Variants in ADGRD1 observed in about 807,000 individuals in gnomAD.
ADGRD1 encodes the protein adhesion G protein-coupled receptor D1.
A neutral mutation model predicts 113.4 loss-of-function variants in ADGRD1; 77 were observed. The observed-to-expected ratio is 0.68, with a 90% confidence interval of 0.57 to 0.82. The LOEUF is 0.82. Ranked by LOEUF, ADGRD1 falls within the 40% of genes least tolerant of loss-of-function variation. ADGRD1 has a pLI of 0.00. For synonymous variants in ADGRD1, 474 were observed against 475.0 expected (o/e 1.00, Z 0.03); for missense variants, 1,036 against 1,139.1 (o/e 0.91, Z 1.30).
At chr12:131,025,405 G>A (rs544006199) in intron 13 of ADGRD1, among the ~76,000 whole-genome samples, 14 of 152,206 alleles carry the variant, frequency 9.2e-5, no homozygotes, top group African/African-American at 1.4e-4. Context: ...GTCACGGGCC[G>A]TGAGGAGGAG....
Position 131,076,803 on chromosome 12 carries a change from A to T in ADGRD1, c.1476A>T (p.Thr492=). 6.2e-7 allele frequency: 1 copy of T among 1,613,922 alleles called. No individual in the cohort carries two copies. Among genetic ancestry groups the T allele is most frequent in the Non-Finnish European group, 8.5e-7 (1 of 1,179,870 alleles). ...GTGTTTGCTTTCTTTCATTTCAGACACGTAAGCAGCACAGTGAGGCCACCA... is the reference window on the plus strand; with the variant it reads ...GTGTTTGCTTTCTTTCATTTCAGACTCGTAAGCAGCACAGTGAGGCCACCA... ...LITVHLKHRL[T]RKQHSEATNS... The change falls in exon 14 of 25, where the codon ACA becomes ACT. Residue 492 remains threonine, a splice_region_variant and synonymous_variant. Coordinates refer to ENST00000261654, the MANE Select transcript of ADGRD1 (RefSeq NM_198827.5).
At chr12:131,117,194 T>G (rs939379244) in intron 18 of ADGRD1, among the ~76,000 whole-genome samples, 1 of 152,226 alleles carries the variant, frequency 6.6e-6, no homozygotes, top group African/African-American at 2.4e-5. Context: ...GTGATCCAGA[T>G]GCTTTCTACC....
rs1348950455 is a variant in ADGRD1, at chr12:130,965,961, T to G, written c.104-502T>G. Reference sequence around the variant, plus strand: ...CAAATAGGCTAAGAATTCAATTTTCTTATAGATTATTGTTAGCATGAAGTG... The same window carrying G: ...CAAATAGGCTAAGAATTCAATTTTCGTATAGATTATTGTTAGCATGAAGTG... On this transcript the variant is annotated intron_variant, in intron 2 of 24. Coordinates refer to ENST00000261654, the MANE Select transcript of ADGRD1 (RefSeq NM_198827.5). This position sits in a 1 kb window ranked among gnomAD's most constrained non-coding sequence, Gnocchi z 4.8. Among the ~76,000 whole-genome samples the G allele has an allele frequency of 6.6e-6, 1 of 152,250 alleles. No individual in the cohort carries two copies. Among genetic ancestry groups the G allele is most frequent in the African/African-American group, 2.4e-5 (1 of 41,466 alleles).
At chr12:131,006,733 T>C (rs1413420883) in intron 12 of ADGRD1, among the ~76,000 whole-genome samples, 1 of 151,978 alleles carries the variant, frequency 6.6e-6, no homozygotes, top group African/African-American at 2.4e-5. Context: ...GGATGCCTCT[T>C]TCCTGAGGAA....
chr12:131,124,913 T>A (rs946897619), intron 20 of ADGRD1, among the ~76,000 whole-genome samples: 1 of 152,218 alleles, frequency 6.6e-6, no homozygotes, highest in African/African-American at 2.4e-5. Flanking sequence ...GACCACAGGC[T>A]GCACAGCTTA....
At chr12:130,992,657 C>T (rs914020796) in intron 8 of ADGRD1, among the ~76,000 whole-genome samples, 2 of 152,248 alleles carry the variant, frequency 1.3e-5, no homozygotes, top group Non-Finnish European at 2.9e-5. Context: ...TGTGCAGCCA[C>T]CTGGCCCCCG....
intron 8 of ADGRD1, among the ~76,000 whole-genome samples, chr12:130,995,735 C>CT (rs78301647): frequency 1.9e-4 from 28 of 147,658 alleles, no homozygotes; most frequent in East Asian, 3.9e-4. Flanking sequence ...GAACTGAAAT[C>CT]TTTTTTTTTT....
intron 15 of ADGRD1, chr12:131,092,088 G>A (rs1593198289): frequency 6.6e-6 from 1 of 152,262 alleles, no homozygotes; most frequent in East Asian, 1.9e-4. Context: ...TGGCACAACT[G>A]GTCTGTACTG....
At chr12:131,025,665 C>T (rs1203968366) in intron 13 of ADGRD1, 1 of 152,176 alleles carries the variant, frequency 6.6e-6, no homozygotes, top group Non-Finnish European at 1.5e-5. Context: ...GCCTCAGCCT[C>T]CTGAGTAGCT....
intron 13 of ADGRD1, among the ~76,000 whole-genome samples, chr12:131,033,836 T>C (rs1298804136): frequency 6.6e-6 from 1 of 152,086 alleles, no homozygotes; most frequent in Non-Finnish European, 1.5e-5. Flanking sequence ...GCCGCGTGGG[T>C]GAAGGCTGGG....
chr12:130,993,372 T>TTTCATTCATTCATTCA lies in ADGRD1; in HGVS notation c.966+1002_966+1017dup, dbSNP rs55716628. On this transcript the variant is annotated intron_variant, in intron 8 of 24. Coordinates refer to ENST00000261654, the MANE Select transcript of ADGRD1 (RefSeq NM_198827.5). ...CGTAAGAGAAGTTAGACTTCTCAGA[T>TTTCATTCATTCATTCA]TTCATTCATTCATTCATTCATTCAT... Among the ~76,000 whole-genome samples, 380 of 141,138 alleles carry TTTCATTCATTCATTCA rather than the reference T, an allele frequency of 2.7e-3. 5 individuals carry two copies. Among genetic ancestry groups the TTTCATTCATTCATTCA allele is most frequent in the South Asian group, 0.011 (45 of 4,170 alleles). 92.6% of individuals were successfully genotyped at this position (141,138 alleles called of 152,430 possible). A position where few individuals can be genotyped will look rare whatever the true frequency, so the allele number is the denominator to read the frequency against.
intron 24 of ADGRD1, among the ~76,000 whole-genome samples, chr12:131,138,774 T>G (rs1213108182): frequency 6.6e-6 from 1 of 152,224 alleles, no homozygotes; most frequent in Non-Finnish European, 1.5e-5. Flanking sequence ...GCTGGCTGGC[T>G]CATGGGCTGC....
intron 10 of ADGRD1, 110 bp from the exon 11 acceptor site, chr12:131,004,076 T>G: frequency 1.6e-6 from 1 of 624,650 alleles, no homozygotes; most frequent in Non-Finnish European, 2.9e-6. Context: ...ATACTTCCCG[T>G]GGGGAGCTTG....
rs1484535244 is a variant in ADGRD1, at chr12:131,108,780, A to G, written c.1944A>G (p.Ala648=). The part of the protein sequence containing the change: ...LLHYFFLSAF[A]WMLVEGLHLY... ...ACTACTTCTTCCTGAGTGCCTTCGCATGGATGCTGGTGGAGGGGCTGCACC... is the reference window on the plus strand; with the variant it reads ...ACTACTTCTTCCTGAGTGCCTTCGCGTGGATGCTGGTGGAGGGGCTGCACC... Residue 648 remains alanine (A), a synonymous_variant, in exon 18 of 25, where the codon GCA becomes GCG. Transcript: ENST00000261654. The G allele has an allele frequency of 1.6e-5, 26 of 1,613,804 alleles. No individual in the cohort carries two copies. Among genetic ancestry groups the G allele is most frequent in the Non-Finnish European group, 2.1e-5 (25 of 1,179,974 alleles).
intron 8 of ADGRD1, among the ~76,000 whole-genome samples, chr12:130,997,379 C>T (rs1441058616): frequency 8.8e-5 from 10 of 113,698 alleles, no homozygotes; most frequent in Admixed American, 1.7e-4. Context: ...GGGTGGCTGC[C>T]GGGCGGAGGG....
In ADGRD1 at chr12:130,966,613, G is replaced by A; in HGVS notation, c.187+67G>A. ...CCCAGGGCCATCAGGAGGCGTGGGT[G>A]CTGAGAGTGGCTGGCCTTGAAATCC... On this transcript the variant is annotated intron_variant, in intron 3 of 24. Coordinates refer to ENST00000261654, the MANE Select transcript of ADGRD1 (RefSeq NM_198827.5). The surrounding 1 kb of genome is among the most constrained non-coding windows in gnomAD (Gnocchi z 4.6). The A allele has an allele frequency of 1.1e-6, 1 of 948,024 alleles. No individual in the cohort carries two copies. The highest frequency in any genetic ancestry group is 1.7e-6 in the Non-Finnish European group (1 of 574,000). The allele number at this position is 948,024 out of a possible 1,614,324, so 58.7% of individuals were successfully genotyped here. A position where few individuals can be genotyped will look rare whatever the true frequency, so the allele number is the denominator to read the frequency against.
intron 13 of ADGRD1, among the ~76,000 whole-genome samples, chr12:131,061,470 C>T (rs753220197): frequency 1.3e-5 from 2 of 152,228 alleles, no homozygotes; most frequent in Non-Finnish European, 2.9e-5. Flanking sequence ...GTGTTTCCCC[C>T]AGCTAGAAAT....
At chr12:131,133,602 C>T (rs1020673184) in intron 21 of ADGRD1, among the ~76,000 whole-genome samples, 1 of 152,206 alleles carries the variant, frequency 6.6e-6, no homozygotes, top group Non-Finnish European at 1.5e-5. Flanking sequence ...CGGGGAGGTG[C>T]AGGCAGGCAT....
chr12:130,997,287 A>G (rs1308107), intron 8 of ADGRD1, among the ~76,000 whole-genome samples: 12 of 117,112 alleles, frequency 1.0e-4, no homozygotes, highest in South Asian at 3.2e-4. Flanking sequence ...CGGACGGGGC[A>G]GCTGGCCTGG....
Sources: allele counts gnomAD v4.1 joint callset (sites outside exome capture counted in the v4.1 genomes callset), GRCh38; gene constraint gnomAD v4.1.1; non-coding constraint Gnocchi (gnomAD v3.1); transcripts MANE v1.5; gene names NCBI Gene and HGNC (gene_info 2026-07-23, HGNC 2026-07-21).